IMMP2L: variants seen among roughly 807,000 people sequenced by gnomAD.
The protein encoded by IMMP2L is inner mitochondrial membrane peptidase subunit 2, also known as mitochondrial inner membrane protease subunit 2.
IMMP2L carries 18 observed loss-of-function variants against 19.3 expected under a neutral mutation model. That is an observed-to-expected ratio of 0.93 (90% CI 0.64 to 1.38). IMMP2L has a LOEUF of 1.38. Ranked by LOEUF, IMMP2L falls within the 40% of genes most tolerant of loss-of-function variation. The pLI is 0.00. For synonymous variants in IMMP2L, 76 were observed against 73.0 expected (o/e 1.04, Z -0.21); for missense variants, 233 against 218.2 (o/e 1.07, Z -0.43).
intron 5 of IMMP2L, among the ~76,000 whole-genome samples, chr7:110,833,378 G>A (rs1033698993): frequency 6.7e-6 from 1 of 148,526 alleles, no homozygotes; most frequent in Admixed American, 6.8e-5. Context: ...GGCAGAGGTC[G>A]CAGTGAGCCA....
chr7:110,933,911 A>C lies in IMMP2L; in HGVS notation c.305+29589T>G, dbSNP rs139157327. ...TGAATTTGTCTGGTCTTGCTTCTCT[A>C]GTTCTTTTAATTGTGATGTTAGGGT... On this transcript the variant is annotated intron_variant, in intron 4 of 5. Coordinates refer to ENST00000405709, the MANE Select transcript of IMMP2L (RefSeq NM_032549.4). Among the ~76,000 whole-genome samples the C allele has an allele frequency of 3.7e-3, 556 of 152,250 alleles. 15 individuals carry two copies. The East Asian group carries it at 0.065, about 18-fold the overall frequency.
chr7:110,855,832 C>T (rs987919305), intron 5 of IMMP2L, among the ~76,000 whole-genome samples: 1 of 151,988 alleles, frequency 6.6e-6, no homozygotes, highest in Admixed American at 6.6e-5. Context: ...TAAACTTAAA[C>T]TTAGACAGGT....
At chr7:111,545,279 T>C (rs1848823707) in intron 1 of IMMP2L, among the ~76,000 whole-genome samples, 1 of 152,166 alleles carries the variant, frequency 6.6e-6, no homozygotes, top group African/African-American at 2.4e-5. Context: ...CCCTAATGAT[T>C]AATGATGCTG....
At chr7:111,308,624 T>C (rs1284658408) in intron 3 of IMMP2L, among the ~76,000 whole-genome samples, 2 of 151,820 alleles carry the variant, frequency 1.3e-5, no homozygotes, top group Non-Finnish European at 2.9e-5. Flanking sequence ...TTTAATGGTA[T>C]CATCATACAA....
At chr7:111,538,957 T>TA (rs1003233686) in intron 1 of IMMP2L, among the ~76,000 whole-genome samples, 2 of 147,082 alleles carry the variant, frequency 1.4e-5, no homozygotes, top group Admixed American at 6.8e-5. Context: ...CCGTCTCTAC[T>TA]AAAAAAACAA....
chr7:110,873,413 G>C (rs1328134740), intron 5 of IMMP2L, among the ~76,000 whole-genome samples: 2 of 102,206 alleles, frequency 2.0e-5, no homozygotes, highest in Non-Finnish European at 3.6e-5. Context: ...CTGGGAGACA[G>C]AGCAAGACTC....
At chr7:111,299,018 C>A (rs1821927479) in intron 3 of IMMP2L, among the ~76,000 whole-genome samples, 1 of 152,026 alleles carries the variant, frequency 6.6e-6, no homozygotes, top group African/African-American at 2.4e-5. Flanking sequence ...TCAAAAGGCA[C>A]AACTATCAGG....
intron 3 of IMMP2L, among the ~76,000 whole-genome samples, chr7:111,278,485 A>G (rs867016444): frequency 1.3e-5 from 2 of 152,276 alleles, no homozygotes; most frequent in South Asian, 2.1e-4. Context: ...TAGTTTTAAA[A>G]ATGAATGTCA....
At chr7:111,306,618 G>A (rs1209301750) in intron 3 of IMMP2L, among the ~76,000 whole-genome samples, 2 of 122,608 alleles carry the variant, frequency 1.6e-5, no homozygotes, top group African/African-American at 3.2e-5. Context: ...GTGTGTGTGT[G>A]TGTGTGTGTG....
rs190227108 is a variant in IMMP2L, at chr7:111,223,749, C to G, written c.240-260184G>C. Among the ~76,000 whole-genome samples, 25 of 152,102 alleles carry G rather than the reference C, an allele frequency of 1.6e-4. No individual in the cohort carries two copies. The East Asian group carries it at 4.5e-3, about 27-fold the overall frequency. ...TCTTCTTGCAGCTGAAAATTTCATA[C>G]CTGGGTTGGCTGATATTTATTAAGT... On this transcript the variant is annotated intron_variant, in intron 3 of 5. Coordinates refer to ENST00000405709, the MANE Select transcript of IMMP2L (RefSeq NM_032549.4).
chr7:111,547,303 C>T (rs1284553228), intron 1 of IMMP2L, among the ~76,000 whole-genome samples: 1 of 152,120 alleles, frequency 6.6e-6, no homozygotes, highest in African/African-American at 2.4e-5. Context: ...TAACTGAGGG[C>T]TTGGAACAAT....
chr7:111,096,226 A>T (rs1334663248), intron 3 of IMMP2L, among the ~76,000 whole-genome samples: 2 of 151,876 alleles, frequency 1.3e-5, no homozygotes, highest in African/African-American at 4.8e-5. Flanking sequence ...TTAAGACAGG[A>T]GAATGAGGTT....
intron 3 of IMMP2L, among the ~76,000 whole-genome samples, chr7:111,268,488 A>G (rs960604898): frequency 1.0e-5 from 1 of 98,232 alleles, no homozygotes; most frequent in East Asian, 2.2e-4. Context: ...TTTATCTAAT[A>G]AAAAAAAAAA....
chr7:111,116,091 T>C (rs1191874757), intron 3 of IMMP2L, among the ~76,000 whole-genome samples: 30 of 152,184 alleles, frequency 2.0e-4, no homozygotes, highest in Admixed American at 2.0e-3. Context: ...AAAGCATATC[T>C]TGAGACTCAG....
At chr7:110,900,527 A>G (rs1340970054) in intron 4 of IMMP2L, among the ~76,000 whole-genome samples, 2 of 152,082 alleles carry the variant, frequency 1.3e-5, no homozygotes, top group Non-Finnish European at 2.9e-5. Flanking sequence ...GTCATTCTCC[A>G]CACAACAGAT....
intron 3 of IMMP2L, among the ~76,000 whole-genome samples, chr7:110,983,897 G>A (rs1271330028): frequency 6.6e-6 from 1 of 151,882 alleles, no homozygotes; most frequent in Non-Finnish European, 1.5e-5. Flanking sequence ...CCTAGTTCAT[G>A]ATCACCCACT....
At chr7:110,852,629 T>C (rs771231825) in intron 5 of IMMP2L, among the ~76,000 whole-genome samples, 3 of 152,088 alleles carry the variant, frequency 2.0e-5, no homozygotes, top group Admixed American at 6.6e-5. Flanking sequence ...TACCCTGGAC[T>C]GTCTCCAGGA....
At chr7:111,023,303 T>C (rs191201426) in intron 3 of IMMP2L, among the ~76,000 whole-genome samples, 6 of 152,332 alleles carry the variant, frequency 3.9e-5, no homozygotes, top group African/African-American at 1.4e-4. Flanking sequence ...ATTTCCTTGT[T>C]AAATAATACT....
In IMMP2L at chr7:111,521,210, C is replaced by A. The variant is rs115554104; in HGVS notation, c.135+103G>T. 4.1e-3 allele frequency: 5,202 copies of A among 1,258,462 alleles called. 169 individuals are homozygous for A. The African/African-American group carries it at 0.07, about 17-fold the overall frequency. The allele number at this position is 1,258,462 out of a possible 1,614,324, so 78.0% of individuals were successfully genotyped here. Reference sequence around the variant, plus strand: ...ATTTCATTTCAATGCCTTTTTATAACCTTTCAGTTCCCAGAATAGGAATAA... The same window carrying A: ...ATTTCATTTCAATGCCTTTTTATAAACTTTCAGTTCCCAGAATAGGAATAA... On this transcript the variant is annotated intron_variant, in intron 2 of 5. Transcript: ENST00000405709.
Sources: gnomAD v4.1 joint callset for allele counts (sites outside exome capture counted in the v4.1 genomes callset) on GRCh38, gnomAD v4.1.1 for gene constraint, MANE v1.5 for transcripts, NCBI Gene and HGNC (gene_info 2026-07-23, HGNC 2026-07-21) for gene names.